The following PALM variants were observed in gnomAD, a reference collection of about 807,000 sequenced individuals.
PALM encodes paralemmin-1.
In PALM, 18 loss-of-function variants were observed where a neutral mutation model predicts 30.7. The ratio of observed to expected loss-of-function variants is 0.59; its 90% CI spans 0.41 to 0.87. The LOEUF (loss-of-function observed/expected upper bound fraction) is 0.87. Ranked by LOEUF, PALM falls within the 40% of genes least tolerant of loss-of-function variation. The pLI is 0.00. For missense variants in PALM, 529 were observed against 555.4 expected, an observed-to-expected ratio of 0.95 and a Z score of 0.48; for synonymous variants, 286 against 242.8, an observed-to-expected ratio of 1.18 and a Z score of -1.66.
rs534531310 is a variant in PALM at position 726,370 on chromosome 19, G to A, written c.57+181G>A. Among the ~76,000 whole-genome samples the A allele has an allele frequency of 5.3e-5, 8 of 152,292 alleles. No individual in the cohort carries two copies. In the East Asian group the frequency reaches 1.3e-3, roughly 26 times the overall value. On this transcript the variant is annotated intron_variant, in intron 2 of 8. Transcript: ENST00000338448. ...AATGGAAGTGGAGACCCCCTGAGTC[G>A]GCAGCTCCTGGACCCCCGGCCTCGC...
At chr19:713,356 C>T (rs1294546904) in intron 1 of PALM, among the ~76,000 whole-genome samples, 1 of 151,922 alleles carries the variant, frequency 6.6e-6, no homozygotes, top group Non-Finnish European at 1.5e-5. Flanking sequence ...TCCTGACTCC[C>T]CGTCACACCT....
intron 8 of PALM, among the ~76,000 whole-genome samples, chr19:743,347 A>G (rs1281483548): frequency 6.6e-6 from 1 of 151,478 alleles, no homozygotes; most frequent in East Asian, 1.9e-4. Flanking sequence ...TGGGGATTCC[A>G]GACCTGCCAG....
At chr19:727,258 CCCCAA>C (rs1351674069) in intron 3 of PALM, among the ~76,000 whole-genome samples, 170 bp downstream of exon 3, 13 of 145,670 alleles carry the variant, frequency 8.9e-5, no homozygotes, top group African/African-American at 3.1e-4. Context: ...CCGACCCTGA[CCCCAA>C]CCTGACCCCG....
At chr19:719,656 A>G (rs900143108) in intron 1 of PALM, 20 of 983,924 alleles carry the variant, frequency 2.0e-5, no homozygotes, top group Non-Finnish European at 2.4e-5. Flanking sequence ...TCCGCCCAGC[A>G]TGTAAGACCT....
Position 746,858 on chromosome 19 carries a change from C to A in PALM, c.*44C>A. 1.6e-6 allele frequency: 2 copies of A among 1,235,750 alleles called. No homozygotes were observed. Among genetic ancestry groups the A allele is most frequent in the Non-Finnish European group, 2.2e-6 (2 of 903,222 alleles). The allele number at this position is 1,235,750 out of a possible 1,614,324, so 76.5% of individuals were successfully genotyped here. On this transcript the variant is annotated 3_prime_UTR_variant, in exon 9 of 9. Transcript: ENST00000338448. This position sits in a 1 kb window ranked among gnomAD's most constrained non-coding sequence, Gnocchi z 7.1. Reference sequence around the variant, plus strand: ...GGCCCCCACCCCACACCACAGACACCCACCAGCCCGGCCCCTCCCGGCGCC... The same window carrying A: ...GGCCCCCACCCCACACCACAGACACACACCAGCCCGGCCCCTCCCGGCGCC...
chr19:747,238 C>T lies in PALM; in HGVS notation c.*424C>T, dbSNP rs533644389. On this transcript the variant is annotated 3_prime_UTR_variant, in exon 9 of 9. Transcript: ENST00000338448. ...GGGGACACCCCGCCAGAGAGGGCCC[C>T]GGGAGCCGGGGGTGGGTACTGAGGC... 5.5e-4 allele frequency: 97 copies of T among 175,050 alleles called. 1 individual carries two copies. The highest frequency in any genetic ancestry group is 1.8e-3 in the African/African-American group (77 of 41,812). The allele number at this position is 175,050 out of a possible 1,614,324, so 10.8% of individuals were successfully genotyped here.
At chr19:724,062 G>T (rs1451928259) in intron 1 of PALM, among the ~76,000 whole-genome samples, 3 of 152,124 alleles carry the variant, frequency 2.0e-5, no homozygotes, top group Admixed American at 2.0e-4. Context: ...TGAACCACGG[G>T]GCTGCAGACA....
chr19:741,845 TTTTA>T (rs2033205910), intron 8 of PALM, among the ~76,000 whole-genome samples: 1 of 152,048 alleles, frequency 6.6e-6, no homozygotes, highest in African/African-American at 2.4e-5. Flanking sequence ...TTCTTTTTCT[TTTTA>T]TTTATTTACT....
intron 6 of PALM, 124 bp downstream of exon 6, chr19:734,318 G>A: frequency 1.1e-6 from 1 of 876,226 alleles, no homozygotes; most frequent in Non-Finnish European, 1.8e-6. Flanking sequence ...CCAGCACTTT[G>A]GGAGGCCGAG....
In PALM at chr19:740,339, ACT is replaced by A; in HGVS notation, c.503-9_503-8del. Reference sequence around the variant, plus strand: ...GGGCAGGCCGTGGTGTAACCCCGTGACTCTCGTGCCAGCCATGTACTCGGTTG... The same window carrying A: ...GGGCAGGCCGTGGTGTAACCCCGTGACTCGTGCCAGCCATGTACTCGGTTG... On this transcript the variant is annotated splice_polypyrimidine_tract_variant and intron_variant, in intron 7 of 8. Transcript: ENST00000338448. The A allele has an allele frequency of 1.3e-6, 2 of 1,555,632 alleles. No individual in the cohort carries two copies. The highest frequency in any genetic ancestry group is 1.2e-5 in the South Asian group (1 of 84,248).
intron 1 of PALM, chr19:719,068 C>T: frequency 2.0e-6 from 2 of 981,374 alleles, no homozygotes; most frequent in South Asian, 9.4e-5. Context: ...ACCGTCAGCT[C>T]TTTCCTTTCA....
chr19:735,417 G>T (rs1194614590), intron 6 of PALM, among the ~76,000 whole-genome samples: 2 of 125,162 alleles, frequency 1.6e-5, no homozygotes, highest in African/African-American at 6.8e-5. Context: ...CCTGTGTCCG[G>T]GTGTCTGGAT....
intron 1 of PALM, chr19:711,259 C>T: frequency 1.1e-6 from 1 of 869,932 alleles, no homozygotes; most frequent in Non-Finnish European, 1.4e-6. Flanking sequence ...AATCTCTGTG[C>T]TCTGGGAGGG....
In PALM at chr19:747,024, G is replaced by T. The variant is rs112240740; in HGVS notation, c.*210G>T. ...CCAACACTCCCCCCGAACCAGAGCC[G>T]TGCACTTGTGCCTGGTAGGAGAGAG... On this transcript the variant is annotated 3_prime_UTR_variant, in exon 9 of 9. Transcript: ENST00000338448. 9 of 572,946 alleles carry T rather than the reference G, an allele frequency of 1.6e-5. No homozygotes were observed. In the East Asian group the frequency reaches 2.3e-4, roughly 15 times the overall value. 35.5% of individuals were successfully genotyped at this position (572,946 alleles called of 1,614,324 possible).
chr19:739,240 G>A (rs910606186), intron 7 of PALM, among the ~76,000 whole-genome samples: 4 of 152,100 alleles, frequency 2.6e-5, no homozygotes, highest in African/African-American at 9.7e-5. Context: ...AGATGACGGC[G>A]TGTCCAACCG....
chr19:725,492 C>T lies in PALM; in HGVS notation c.6-646C>T, dbSNP rs540698631. ...AGGAGAATCGCTTGAACCCAGGAGGCGGAGGCTGCAGTGAGCTGAGATCCT... is the reference window on the plus strand; with the variant it reads ...AGGAGAATCGCTTGAACCCAGGAGGTGGAGGCTGCAGTGAGCTGAGATCCT... On this transcript the variant is annotated intron_variant, in intron 1 of 8. Coordinates refer to ENST00000338448, the MANE Select transcript of PALM (RefSeq NM_002579.3). Among the ~76,000 whole-genome samples, 1,335 of 152,228 alleles carry T rather than the reference C, an allele frequency of 8.8e-3. 13 individuals are homozygous for T. The highest frequency in any genetic ancestry group is 0.014 in the Non-Finnish European group (949 of 68,022).
chr19:712,139 C>T (rs1418941660), intron 1 of PALM, among the ~76,000 whole-genome samples: 2 of 152,132 alleles, frequency 1.3e-5, no homozygotes, highest in Admixed American at 6.6e-5. Flanking sequence ...TCTCCTACCT[C>T]AGCCTCCTGA....
intron 1 of PALM, chr19:719,097 C>A (rs2144856353): frequency 2.0e-6 from 2 of 983,278 alleles, no homozygotes; most frequent in Non-Finnish European, 2.4e-6. Flanking sequence ...CAGGAATGTT[C>A]CCGGCGCTGG....
At chr19:743,011 C>T (rs1477000449) in intron 8 of PALM, among the ~76,000 whole-genome samples, 2 of 152,114 alleles carry the variant, frequency 1.3e-5, no homozygotes, top group South Asian at 2.1e-4. Context: ...TCCCACAGGT[C>T]GTGGATGAGG....
Sources: gnomAD v4.1 joint callset for allele counts (sites outside exome capture counted in the v4.1 genomes callset) on GRCh38, gnomAD v4.1.1 for gene constraint, Gnocchi (gnomAD v3.1) non-coding constraint, MANE v1.5 for transcripts, NCBI Gene and HGNC (gene_info 2026-07-23, HGNC 2026-07-21) for gene names.